NAALADL2: variants seen among roughly 807,000 people sequenced by gnomAD.
The protein encoded by NAALADL2 is N-acetylated alpha-linked acidic dipeptidase like 2, also known as inactive N-acetylated-alpha-linked acidic dipeptidase-like protein 2.
In NAALADL2, 76 loss-of-function variants were observed where a neutral mutation model predicts 87.2. The observed-to-expected ratio is 0.87, with a 90% CI of 0.72 to 1.05. The LOEUF (loss-of-function observed/expected upper bound fraction) is 1.05. NAALADL2 is among the 50% of genes least tolerant of loss of function. The pLI, the probability that NAALADL2 is intolerant of heterozygous loss-of-function variation, is 0.00. For synonymous variants in NAALADL2, 354 were observed against 331.0 expected (o/e 1.07, Z -0.75); for missense variants, 1,089 against 945.8 (o/e 1.15, Z -1.99).
intron 5 of NAALADL2, among the ~76,000 whole-genome samples, chr3:175,337,463 C>A (rs1457434941): frequency 3.3e-5 from 5 of 151,964 alleles, no homozygotes; most frequent in Non-Finnish European, 5.9e-5. Context: ...GGGCATTTCC[C>A]AATCAACCAT....
intron 5 of NAALADL2, among the ~76,000 whole-genome samples, chr3:175,388,239 A>G (rs1768640815): frequency 6.6e-6 from 1 of 152,122 alleles, no homozygotes; most frequent in South Asian, 2.1e-4. Flanking sequence ...TCTATCTGAT[A>G]GTAGAGGCGC....
At chr3:175,521,669 C>T (rs1054363652) in intron 9 of NAALADL2, among the ~76,000 whole-genome samples, 1 of 152,112 alleles carries the variant, frequency 6.6e-6, no homozygotes, top group African/African-American at 2.4e-5. Context: ...CAGAGACACA[C>T]ACGGAGATGG....
intron 9 of NAALADL2, among the ~76,000 whole-genome samples, chr3:175,552,771 A>G (rs1714631755): frequency 6.6e-6 from 1 of 152,108 alleles, no homozygotes; most frequent in South Asian, 2.1e-4. Flanking sequence ...GTAATGCATT[A>G]TAACATTTTT....
intron 1 of NAALADL2, among the ~76,000 whole-genome samples, chr3:174,512,248 GTCT>G (rs1211326412): frequency 6.6e-6 from 1 of 152,106 alleles, no homozygotes; most frequent in Non-Finnish European, 1.5e-5. Context: ...TGATTTCACT[GTCT>G]TCTTTTAGTG....
At chr3:174,592,270 T>G (rs1251526291) in intron 2 of NAALADL2, among the ~76,000 whole-genome samples, 1 of 152,198 alleles carries the variant, frequency 6.6e-6, no homozygotes, top group African/African-American at 2.4e-5. Context: ...TATTATACTT[T>G]AAGTTTTAGG....
At chr3:175,106,628 A>G (rs997390743) in intron 2 of NAALADL2, among the ~76,000 whole-genome samples, 1 of 152,096 alleles carries the variant, frequency 6.6e-6, no homozygotes, top group Non-Finnish European at 1.5e-5. Context: ...AAAAGTTGGT[A>G]ATGATCACAT....
chr3:174,654,781 G>A (rs1222332480), intron 2 of NAALADL2, among the ~76,000 whole-genome samples: 1 of 152,042 alleles, frequency 6.6e-6, no homozygotes, highest in Admixed American at 6.6e-5. Context: ...TGTCACCCAG[G>A]CTGGAGTGCA....
chr3:174,502,939 G>A (rs957838762), intron 1 of NAALADL2, among the ~76,000 whole-genome samples: 2 of 151,798 alleles, frequency 1.3e-5, no homozygotes, highest in Non-Finnish European at 2.9e-5. Context: ...AGAGGCAAGA[G>A]AGTTGCTTGA....
At chr3:175,785,325 A>T (rs1239375510) in intron 13 of NAALADL2, among the ~76,000 whole-genome samples, 3 of 147,958 alleles carry the variant, frequency 2.0e-5, no homozygotes, top group East Asian at 3.9e-4. Context: ...CCCATTATTA[A>T]TGTGTGGGAG....
intron 2 of NAALADL2, among the ~76,000 whole-genome samples, chr3:174,694,033 C>T (rs1279016759): frequency 6.6e-6 from 1 of 152,114 alleles, no homozygotes; most frequent in African/African-American, 2.4e-5. Context: ...GTCTTTCTTT[C>T]CACAAGTCTT....
chr3:175,516,171 A>G (rs552138313), intron 9 of NAALADL2, among the ~76,000 whole-genome samples: 2 of 152,312 alleles, frequency 1.3e-5, no homozygotes, highest in African/African-American at 2.4e-5. Flanking sequence ...CATTTGTAAC[A>G]TTGATTGTTG....
In NAALADL2 at chr3:175,695,588, C is replaced by T. The variant is rs1582918718; in HGVS notation, c.1897-41718C>T. ...ATCACTCTCTTTATCTGTATAGGTCCATTTAGTACTATTTGTTCTTTTAGT... is the reference window on the plus strand; with the variant it reads ...ATCACTCTCTTTATCTGTATAGGTCTATTTAGTACTATTTGTTCTTTTAGT... On this transcript the variant is annotated intron_variant, in intron 11 of 13. Coordinates refer to ENST00000454872, the MANE Select transcript of NAALADL2 (RefSeq NM_207015.3). Among the ~76,000 whole-genome samples, 3 of 152,212 alleles carry T rather than the reference C, an allele frequency of 2.0e-5. No individual in the cohort carries two copies. In the East Asian group the frequency reaches 5.8e-4, roughly 29 times the overall value.
intron 2 of NAALADL2, among the ~76,000 whole-genome samples, chr3:174,584,922 T>A (rs918389892): frequency 6.6e-6 from 1 of 152,162 alleles, no homozygotes; most frequent in African/African-American, 2.4e-5. Flanking sequence ...GTTTTGCACT[T>A]ATCGTTTTAC....
chr3:175,717,661 A>C (rs1741501615), intron 11 of NAALADL2, among the ~76,000 whole-genome samples: 2 of 151,290 alleles, frequency 1.3e-5, no homozygotes, highest in South Asian at 2.1e-4. Context: ...ACTACACTCC[A>C]GCCTGGATGA....
At chr3:174,627,275 C>T (rs551181646) in intron 2 of NAALADL2, among the ~76,000 whole-genome samples, 3 of 151,932 alleles carry the variant, frequency 2.0e-5, no homozygotes, top group South Asian at 2.1e-4. Context: ...TGAAGATACA[C>T]GTCATAGAGT....
intron 13 of NAALADL2, among the ~76,000 whole-genome samples, chr3:175,763,159 G>A (rs1484013519): frequency 6.6e-6 from 1 of 151,892 alleles, no homozygotes; most frequent in African/African-American, 2.4e-5. Flanking sequence ...TAAATCTTGG[G>A]ACTCTAAATG....
chr3:174,697,258 A>G (rs1369061508), intron 2 of NAALADL2, among the ~76,000 whole-genome samples: 1 of 152,174 alleles, frequency 6.6e-6, no homozygotes, highest in Non-Finnish European at 1.5e-5. Context: ...TCAAAATATG[A>G]TATTTTCTTA....
At chr3:175,626,603 G>C (rs1056713477) in intron 10 of NAALADL2, among the ~76,000 whole-genome samples, 1 of 151,742 alleles carries the variant, frequency 6.6e-6, no homozygotes, top group Non-Finnish European at 1.5e-5. Flanking sequence ...AATTTTCACC[G>C]TAATCTTATT....
rs567624264 is a variant in NAALADL2 at position 174,609,893 on chromosome 3, A to T, written c.-115+59256A>T. On this transcript the variant is annotated intron_variant, in intron 2 of 3. Coordinates refer to the NAALADL2 transcript ENST00000434257. ...CCAAAAGAACAAAGCTGGAGGCATC[A>T]TGCTACCTGACTTCAAACTATACTA... Among the ~76,000 whole-genome samples the T allele has an allele frequency of 8.5e-5, 13 of 152,312 alleles. No individual in the cohort carries two copies. In the East Asian group the frequency reaches 2.1e-3, roughly 25 times the overall value.
Sources: gnomAD v4.1 joint callset for allele counts (sites outside exome capture counted in the v4.1 genomes callset) on GRCh38, gnomAD v4.1.1 for gene constraint, MANE v1.5 for transcripts, NCBI Gene and HGNC (gene_info 2026-07-23, HGNC 2026-07-21) for gene names.